RNF13: variants seen among roughly 807,000 people sequenced by gnomAD.
RNF13 encodes E3 ubiquitin-protein ligase RNF13.
Under a neutral mutation model 37.7 loss-of-function variants are expected in RNF13, and 19 were observed. The ratio of observed to expected loss-of-function variants is 0.50; its 90% CI spans 0.35 to 0.74. RNF13 has a LOEUF of 0.74. Ranked by LOEUF, RNF13 falls within the 30% of genes least tolerant of loss-of-function variation. The probability of loss-of-function intolerance (pLI) is 0.01; values close to 1 mark genes in which losing one functional copy is unlikely to be tolerated. For synonymous variants in RNF13, 144 were observed against 157.8 expected (o/e 0.91, Z 0.65); for missense variants, 375 against 453.0 (o/e 0.83, Z 1.56).
intron 7 of RNF13, among the ~76,000 whole-genome samples, chr3:149,918,911 G>A (rs545386535): frequency 1.4e-4 from 21 of 151,902 alleles, no homozygotes; most frequent in African/African-American, 4.6e-4. Flanking sequence ...GCATATGATC[G>A]GAATTTTTTT....
rs1442836402 is a variant in RNF13, at chr3:149,830,506, G to A, written c.-16-15505G>A. ...AGAGAGATGATTTAGGGTATCTGGC[G>A]GAAGAAATTTCTAAGCAGTAAACTG... On this transcript the variant is annotated intron_variant, in intron 1 of 9. Coordinates refer to ENST00000392894, the MANE Select transcript of RNF13 (RefSeq NM_183381.3). 1.4e-4 allele frequency among the ~76,000 whole-genome samples: 8 copies of A among 55,272 alleles called. No individual in the cohort carries two copies. In the South Asian group the frequency reaches 2.7e-3, roughly 19 times the overall value. The allele number at this position is 55,272 out of a possible 152,430, so 36.3% of individuals were successfully genotyped here.
At position 149,961,566 on chromosome 3, in the gene RNF13, A is replaced by C; in HGVS notation, c.*462A>C. On this transcript the variant is annotated 3_prime_UTR_variant, in exon 10 of 10. Transcript: ENST00000392894. ...CTGCCAATCATTAGGGAGAGGCAAC[A>C]AGGTAATTCAGCCTTTCCTCCTATC... The C allele has an allele frequency of 6.5e-6, 2 of 308,166 alleles. No individual in the cohort carries two copies. Among genetic ancestry groups the C allele is most frequent in the Non-Finnish European group, 1.3e-5 (2 of 157,908 alleles). 19.1% of individuals were successfully genotyped at this position (308,166 alleles called of 1,614,324 possible).
chr3:149,846,078 A>G lies in RNF13; in HGVS notation c.52A>G (p.Ile18Val), dbSNP rs760934570. The change falls in exon 2 of 10, where the codon ATC (isoleucine) becomes GTC (valine). Residue 18 changes from isoleucine to valine, a missense_variant. Transcript: ENST00000392894. Reference sequence around the variant, plus strand: ...GCTGTCAGCCACACAAGTCTACACCATCTTGACTGTCCAGCTCTTTGCATT... The same window carrying G: ...GCTGTCAGCCACACAAGTCTACACCGTCTTGACTGTCCAGCTCTTTGCATT... Reference protein sequence around the residue: ...LMLSATQVYTILTVQLFAFLN... With the variant: ...LMLSATQVYTVLTVQLFAFLN... The G allele has an allele frequency of 3.2e-5, 51 of 1,612,900 alleles. No individual in the cohort carries two copies. Among genetic ancestry groups the G allele is most frequent in the Non-Finnish European group, 4.0e-5 (47 of 1,179,902 alleles).
At chr3:149,917,019 G>T (rs1009947186) in intron 7 of RNF13, among the ~76,000 whole-genome samples, 18 of 151,966 alleles carry the variant, frequency 1.2e-4, no homozygotes, top group Non-Finnish European at 7.4e-5. Context: ...TTTTAATATA[G>T]GATGTTTCTT....
chr3:149,913,165 A>T (rs1243579584), intron 7 of RNF13, among the ~76,000 whole-genome samples: 2 of 152,136 alleles, frequency 1.3e-5, no homozygotes, highest in Non-Finnish European at 2.9e-5. Flanking sequence ...TTTTAAATTT[A>T]CTTATTTAGG....
intron 8 of RNF13, among the ~76,000 whole-genome samples, chr3:149,933,175 A>G (rs1341051597): frequency 2.0e-5 from 3 of 151,962 alleles, no homozygotes; most frequent in African/African-American, 4.8e-5. Flanking sequence ...AAGATGGTGC[A>G]GGGCAGAGGC....
intron 4 of RNF13, among the ~76,000 whole-genome samples, chr3:149,877,472 CTT>C (rs369676407): frequency 2.2e-3 from 221 of 101,450 alleles, no homozygotes; most frequent in African/African-American, 6.6e-3. Context: ...TTCTTTCTGT[CTT>C]TTTTTTTTTT....
At chr3:149,918,591 A>G (rs1228122820) in intron 7 of RNF13, among the ~76,000 whole-genome samples, 1 of 152,008 alleles carries the variant, frequency 6.6e-6, no homozygotes, top group East Asian at 1.9e-4. Flanking sequence ...AGGCTGGAGT[A>G]CAGTGGCACA....
At chr3:149,828,783 C>T (rs1720745643) in intron 1 of RNF13, among the ~76,000 whole-genome samples, 2 of 152,204 alleles carry the variant, frequency 1.3e-5, no homozygotes, top group South Asian at 4.1e-4. Flanking sequence ...TGGTTCAAAA[C>T]AGTGCTTTCC....
chr3:149,877,531 T>A, intron 4 of RNF13, among the ~76,000 whole-genome samples: 1 of 150,766 alleles, frequency 6.6e-6, no homozygotes, highest in East Asian at 1.9e-4. Context: ...GCCCTCTAGT[T>A]TTCCTTTCTA....
In RNF13 at chr3:149,960,173, A is replaced by G. The variant is rs1463919016; in HGVS notation, c.781+37A>G. 2.3e-6 allele frequency: 3 copies of G among 1,326,546 alleles called. No homozygotes were observed. In the South Asian group the frequency reaches 3.6e-5, roughly 16 times the overall value. The allele number at this position is 1,326,546 out of a possible 1,614,324, so 82.2% of individuals were successfully genotyped here. A position where few individuals can be genotyped will look rare whatever the true frequency, so the allele number is the denominator to read the frequency against. On this transcript the variant is annotated intron_variant, in intron 9 of 9. Transcript: ENST00000392894. ...TACGTACTGCTTTGAATTTACATAT[A>G]GTAATTTATATTTAGGTTCCATATT...
intron 5 of RNF13, among the ~76,000 whole-genome samples, chr3:149,896,883 T>G (rs1345752443): frequency 1.3e-5 from 2 of 152,192 alleles, no homozygotes; most frequent in Non-Finnish European, 2.9e-5. Flanking sequence ...AAATTATTAT[T>G]TTAACCTCCT....
chr3:149,834,526 G>A (rs1488676097), intron 1 of RNF13, among the ~76,000 whole-genome samples: 1 of 152,214 alleles, frequency 6.6e-6, no homozygotes, highest in Non-Finnish European at 1.5e-5. Context: ...ATTGATATTT[G>A]ATCCCCAGTA....
At chr3:149,912,452 A>G (rs1717088705) in intron 7 of RNF13, among the ~76,000 whole-genome samples, 1 of 152,168 alleles carries the variant, frequency 6.6e-6, no homozygotes, top group African/African-American at 2.4e-5. Context: ...TTACCTCAAA[A>G]CGAATTGCAA....
In RNF13 at chr3:149,961,712, T is replaced by G. The variant is rs558848498; in HGVS notation, c.*608T>G. On this transcript the variant is annotated 3_prime_UTR_variant, in exon 10 of 10. Coordinates refer to ENST00000392894, the MANE Select transcript of RNF13 (RefSeq NM_183381.3). ...TTTTTTAACGTTTTAATTACTATAG[T>G]GTTATGTAGAGATTTGATTGAGCAG... is the stretch of plus-strand genomic sequence containing the variant. 6.2e-6 allele frequency: 1 copy of G among 161,516 alleles called. No homozygotes were observed. The highest frequency in any genetic ancestry group is 6.2e-5 in the Admixed American group (1 of 16,044). 10.0% of individuals were successfully genotyped at this position (161,516 alleles called of 1,614,324 possible).
At chr3:149,818,759 A>G (rs1719722609) in intron 1 of RNF13, among the ~76,000 whole-genome samples, 1 of 152,054 alleles carries the variant, frequency 6.6e-6, no homozygotes, top group Admixed American at 6.5e-5. Flanking sequence ...TAAAATACAG[A>G]AATTAGCCAG....
At chr3:149,899,008 T>C (rs1189364617) in intron 5 of RNF13, among the ~76,000 whole-genome samples, 1 of 152,110 alleles carries the variant, frequency 6.6e-6, no homozygotes, top group Non-Finnish European at 1.5e-5. Context: ...TAAAGCATGC[T>C]TGGTGTTTCC....
At chr3:149,935,010 C>T (rs887924665) in intron 8 of RNF13, among the ~76,000 whole-genome samples, 1 of 152,156 alleles carries the variant, frequency 6.6e-6, no homozygotes, top group East Asian at 1.9e-4. Context: ...TTTGAGTTTG[C>T]TGAGACTTGT....
At chr3:149,834,348 A>G (rs1721373342) in intron 1 of RNF13, among the ~76,000 whole-genome samples, 1 of 152,254 alleles carries the variant, frequency 6.6e-6, no homozygotes, top group Non-Finnish European at 1.5e-5. Context: ...CTTAACTACA[A>G]AATTCCAGTA....
Sources: gnomAD v4.1 joint callset for allele counts (sites outside exome capture counted in the v4.1 genomes callset) on GRCh38, gnomAD v4.1.1 for gene constraint, MANE v1.5 for transcripts, NCBI Gene and HGNC (gene_info 2026-07-23, HGNC 2026-07-21) for gene names.